TCF7L2: variants seen among roughly 807,000 people sequenced by gnomAD.
The protein encoded by TCF7L2 is transcription factor 7 like 2, also known as transcription factor 7-like 2.
TCF7L2 carries 23 observed loss-of-function variants against 77.9 expected under a neutral mutation model. That is an observed-to-expected ratio of 0.30 (90% CI 0.21 to 0.42). TCF7L2 has a LOEUF of 0.42. Ranked by LOEUF, TCF7L2 falls within the 10% of genes least tolerant of loss-of-function variation. TCF7L2 has a pLI of 1.00. For missense variants in TCF7L2, 654 were observed against 793.1 expected (o/e 0.82, Z 2.11); for synonymous variants, 413 against 340.2 (o/e 1.21, Z -2.36).
intron 5 of TCF7L2, among the ~76,000 whole-genome samples, chr10:113,083,300 G>C (rs2059500759): frequency 7.0e-6 from 1 of 143,326 alleles, no homozygotes; most frequent in Non-Finnish European, 1.5e-5. Flanking sequence ...ACACGTGCAA[G>C]TGTGGGCCCA....
chr10:113,036,751 A>C (rs1167541180), intron 4 of TCF7L2, among the ~76,000 whole-genome samples: 1 of 152,070 alleles, frequency 6.6e-6, no homozygotes, highest in Admixed American at 6.5e-5. Flanking sequence ...GAATTCCCAC[A>C]GCCCCATTTG....
chr10:112,990,308 C>G (rs1468543453), intron 4 of TCF7L2, among the ~76,000 whole-genome samples: 1 of 152,084 alleles, frequency 6.6e-6, no homozygotes, highest in Non-Finnish European at 1.5e-5. Context: ...CAGAGCAGTT[C>G]AGGTTTGTAA....
chr10:113,117,365 TTCTCTCTCTCTC>T (rs1247649039), intron 5 of TCF7L2, among the ~76,000 whole-genome samples: 1 of 122,154 alleles, frequency 8.2e-6, no homozygotes, highest in Non-Finnish European at 1.7e-5. Flanking sequence ...TGAAGGGATT[TTCTCTCTCTCTC>T]TCTCTCTCTC....
rs145999892 is a variant in TCF7L2, at chr10:113,047,918, G to A, written c.552+7792G>A. Among the ~76,000 whole-genome samples, 1,363 of 152,234 alleles carry A rather than the reference G, an allele frequency of 9.0e-3. 18 individuals are homozygous for A. Among genetic ancestry groups the A allele is most frequent in the African/African-American group, 0.031 (1,289 of 41,524 alleles). ...TTTGGCAGCTCAGCTCGGGGCTAGC[G>A]TTTCCTGACATTTGTTTCGCTGAAT... On this transcript the variant is annotated intron_variant, in intron 5 of 13. Transcript: ENST00000627217.
chr10:113,094,278 C>T (rs1264397076), intron 5 of TCF7L2, among the ~76,000 whole-genome samples: 1 of 152,174 alleles, frequency 6.6e-6, no homozygotes, highest in African/African-American at 2.4e-5. Context: ...AGACCACATC[C>T]TATGTGGCTT....
chr10:112,999,462 T>C (rs1038652976), intron 4 of TCF7L2, among the ~76,000 whole-genome samples: 5 of 152,234 alleles, frequency 3.3e-5, no homozygotes, highest in Admixed American at 6.5e-5. Context: ...GGTGCCTTTC[T>C]TCTCAGAAGC....
chr10:113,034,844 C>T (rs1413092450), intron 4 of TCF7L2, among the ~76,000 whole-genome samples: 5 of 152,128 alleles, frequency 3.3e-5, no homozygotes, highest in Admixed American at 6.5e-5. Context: ...TGCAGTGAGT[C>T]GAGCTTGCGT....
Position 113,152,431 on chromosome 10 carries a change from G to A in TCF7L2, c.1260G>A (p.Arg420=), listed in dbSNP as rs1564971272. 1 of 1,613,506 alleles carries A rather than the reference G, an allele frequency of 6.2e-7. No individual in the cohort carries two copies. The highest frequency in any genetic ancestry group is 8.5e-7 in the Non-Finnish European group (1 of 1,179,552). ...AACTGTACCCCGGCTGGTCCGCGCG[G>A]GATAACTATGTAGGTGGATCATTTT... The change falls in exon 11 of 14, where the codon CGG becomes CGA. Residue 420 remains arginine (R), a synonymous_variant. Coordinates refer to ENST00000627217, the MANE Select transcript of TCF7L2 (RefSeq NM_001146274.2).
intron 4 of TCF7L2, among the ~76,000 whole-genome samples, chr10:112,974,390 C>T (rs571938995): frequency 7.9e-4 from 120 of 152,288 alleles, no homozygotes; most frequent in South Asian, 2.1e-4. Flanking sequence ...TTATGGGCCA[C>T]GGCAGGTGGG....
rs1304619801 is a variant in TCF7L2 at position 113,084,922 on chromosome 10, A to C, written c.552+44796A>C. ...AGCCACCCCCCCCCAAAAAAAAAAA[A>C]CAAAAAACCCTGACACATAAAATTA... is the stretch of plus-strand genomic sequence containing the variant. On this transcript the variant is annotated intron_variant, in intron 5 of 13. Transcript: ENST00000627217. Among the ~76,000 whole-genome samples the C allele has an allele frequency of 4.0e-5, 6 of 151,524 alleles. No individual in the cohort carries two copies. The East Asian group carries it at 1.2e-3, about 29-fold the overall frequency.
intron 5 of TCF7L2, among the ~76,000 whole-genome samples, chr10:113,041,343 T>TTA (rs1194750297): frequency 5.3e-5 from 8 of 152,204 alleles, no homozygotes; most frequent in African/African-American, 1.7e-4. Flanking sequence ...ATGCTCATAA[T>TTA]TACATCTGCT....
At chr10:112,985,891 T>TGTGTGTGTGC (rs1491343360) in intron 4 of TCF7L2, among the ~76,000 whole-genome samples, 1 of 150,034 alleles carries the variant, frequency 6.7e-6, no homozygotes, top group Non-Finnish European at 1.5e-5. Flanking sequence ...TGTGTGTGTG[T>TGTGTGTGTGC]GCATTCTTGT....
At chr10:113,059,200 T>C (rs1433666135) in intron 5 of TCF7L2, among the ~76,000 whole-genome samples, 1 of 152,190 alleles carries the variant, frequency 6.6e-6, no homozygotes, top group Non-Finnish European at 1.5e-5. Flanking sequence ...ATTGGAGGAC[T>C]TTTAAATGTT....
chr10:113,086,089 C>G (rs972573012), intron 5 of TCF7L2, among the ~76,000 whole-genome samples: 3 of 152,200 alleles, frequency 2.0e-5, no homozygotes, highest in African/African-American at 7.2e-5. Flanking sequence ...CACCAAATCC[C>G]TACTTCAGTA....
rs906578735 is a variant in TCF7L2 at position 112,955,073 on chromosome 10, T to C, written c.381+3466T>C. ...ACCTTGGAGTGTGAAGGGTTAATGG[T>C]GGTCCTTCCCAGTTGTCCTCCCACC... On this transcript the variant is annotated intron_variant, in intron 3 of 13. Coordinates refer to ENST00000627217, the MANE Select transcript of TCF7L2 (RefSeq NM_001146274.2). 8.5e-5 allele frequency among the ~76,000 whole-genome samples: 13 copies of C among 152,168 alleles called. 2 individuals are homozygous for C. The highest frequency in any genetic ancestry group is 8.5e-4 in the Admixed American group (13 of 15,276).
intron 4 of TCF7L2, among the ~76,000 whole-genome samples, chr10:112,971,323 C>G (rs2038190072): frequency 6.6e-6 from 1 of 152,122 alleles, no homozygotes; most frequent in African/African-American, 2.4e-5. Context: ...GAGACAGAGC[C>G]TTACTCTGTT....
chr10:112,993,150 C>T (rs1350156135), intron 4 of TCF7L2, among the ~76,000 whole-genome samples: 3 of 152,176 alleles, frequency 2.0e-5, no homozygotes. Flanking sequence ...CGTGTCCTCT[C>T]CCCACTCCAT....
intron 4 of TCF7L2, among the ~76,000 whole-genome samples, chr10:112,989,279 G>A (rs1001469573): frequency 1.3e-5 from 2 of 151,612 alleles, no homozygotes; most frequent in Non-Finnish European, 2.9e-5. Context: ...CCTTGCACGT[G>A]ACATTGGTGA....
chr10:113,093,516 A>G (rs1030662316), intron 5 of TCF7L2, among the ~76,000 whole-genome samples: 21 of 152,188 alleles, frequency 1.4e-4, no homozygotes, highest in African/African-American at 4.6e-4. Flanking sequence ...AGTCTCAACA[A>G]TTGTACTTTC....
Sources: allele counts gnomAD v4.1 joint callset (sites outside exome capture counted in the v4.1 genomes callset), GRCh38; gene constraint gnomAD v4.1.1; transcripts MANE v1.5; gene names NCBI Gene and HGNC (gene_info 2026-07-23, HGNC 2026-07-21).